The following ADIPOR2 variants were observed in gnomAD, a reference collection of about 807,000 sequenced individuals.
ADIPOR2 encodes the protein adiponectin receptor protein 2.
ADIPOR2 carries 18 observed loss-of-function variants against 40.9 expected under a neutral mutation model. The ratio of observed to expected loss-of-function variants is 0.44; its 90% CI spans 0.30 to 0.65. ADIPOR2 has a LOEUF of 0.65. Ranked by LOEUF, ADIPOR2 falls within the 30% of genes least tolerant of loss-of-function variation. ADIPOR2 has a pLI of 0.09. For missense variants in ADIPOR2, 283 were observed against 479.2 expected (o/e 0.59, Z 3.82); for synonymous variants, 165 against 166.4 (o/e 0.99, Z 0.06).
intron 1 of ADIPOR2, among the ~76,000 whole-genome samples, chr12:1,711,159 C>T (rs1433048938): frequency 2.6e-5 from 4 of 152,042 alleles, no homozygotes; most frequent in Non-Finnish European, 4.4e-5. Context: ...TAGGCCTTGG[C>T]GGTTTTGGAG....
intron 1 of ADIPOR2, among the ~76,000 whole-genome samples, chr12:1,748,437 A>G (rs1392696073): frequency 2.0e-5 from 3 of 151,908 alleles, no homozygotes; most frequent in Admixed American, 6.6e-5. Flanking sequence ...TTTATTAGAG[A>G]TGGGGTTTCA....
Position 1,742,040 on chromosome 12 carries a change from A to T in ADIPOR2, c.-86-12218A>T, listed in dbSNP as rs557106119. Among the ~76,000 whole-genome samples, 8 of 151,682 alleles carry T rather than the reference A, an allele frequency of 5.3e-5. No homozygotes were observed. In the East Asian group the frequency reaches 1.5e-3, roughly 29 times the overall value. The stretch of plus-strand genomic sequence containing the variant: ...AAAAGACAAAATCTTATGATTGTTG[A>T]ACTCCCAATGAGGAGTCAGAGAATT... On this transcript the variant is annotated intron_variant, in intron 1 of 7. Transcript: ENST00000357103.
At chr12:1,759,162 T>G (rs1347601100) in intron 2 of ADIPOR2, among the ~76,000 whole-genome samples, 4 of 152,202 alleles carry the variant, frequency 2.6e-5, no homozygotes, top group Non-Finnish European at 4.4e-5. Context: ...TCGTTTTCTG[T>G]TAGGCCAGGG....
At chr12:1,696,097 T>TA (rs1329470170) in intron 1 of ADIPOR2, 1 of 157,942 alleles carries the variant, frequency 6.3e-6, no homozygotes, top group Non-Finnish European at 1.5e-5. Flanking sequence ...ATGACTGTCA[T>TA]CAATGTTAGA....
rs538862760 is a variant in ADIPOR2 at position 1,762,562 on chromosome 12, G to A, written c.171+8048G>A. Among the ~76,000 whole-genome samples the A allele has an allele frequency of 7.9e-4, 121 of 152,252 alleles. 1 individual carries two copies. The South Asian group carries it at 0.024, about 30-fold the overall frequency. ...AGAGATGTACAAAAGGAGCACGTGG[G>A]GACGTATACTATTTAGATGCTTAGG... is the stretch of plus-strand genomic sequence containing the variant. On this transcript the variant is annotated intron_variant, in intron 2 of 7. Coordinates refer to ENST00000357103, the MANE Select transcript of ADIPOR2 (RefSeq NM_024551.3).
At chr12:1,718,693 G>C (rs760738938) in intron 1 of ADIPOR2, among the ~76,000 whole-genome samples, 2 of 152,102 alleles carry the variant, frequency 1.3e-5, no homozygotes, top group Admixed American at 6.5e-5. Flanking sequence ...TTATCACTTT[G>C]GGAAGATTCT....
intron 1 of ADIPOR2, among the ~76,000 whole-genome samples, chr12:1,693,233 T>TG (rs1487785090): frequency 6.6e-6 from 1 of 152,170 alleles, no homozygotes; most frequent in African/African-American, 2.4e-5. Context: ...TAGTTTCTTT[T>TG]GGGGTACAGC....
intron 1 of ADIPOR2, among the ~76,000 whole-genome samples, chr12:1,731,331 T>C (rs2094719846): frequency 6.6e-6 from 1 of 152,182 alleles, no homozygotes; most frequent in African/African-American, 2.4e-5. Context: ...GCCAGATTCC[T>C]TTTTTTAAAT....
intron 1 of ADIPOR2, among the ~76,000 whole-genome samples, chr12:1,712,551 T>C (rs2094679635): frequency 6.6e-6 from 1 of 152,116 alleles, no homozygotes; most frequent in South Asian, 2.1e-4. Flanking sequence ...CTATTCCTGC[T>C]CTCTCTCTGA....
intron 1 of ADIPOR2, among the ~76,000 whole-genome samples, chr12:1,724,386 C>T (rs543402851): frequency 1.4e-4 from 21 of 152,200 alleles, no homozygotes; most frequent in Non-Finnish European, 2.9e-4. Context: ...CCAGTGAAAC[C>T]AGTCACAAAA....
At chr12:1,735,533 A>G (rs1451498070) in intron 1 of ADIPOR2, among the ~76,000 whole-genome samples, 9 of 152,186 alleles carry the variant, frequency 5.9e-5, no homozygotes, top group Non-Finnish European at 8.8e-5. Flanking sequence ...CAATCATGTC[A>G]TCTGCAAACA....
Position 1,753,425 on chromosome 12 carries a change from CAA to C in ADIPOR2, c.-86-832_-86-831del, listed in dbSNP as rs1367934431. 3.9e-5 allele frequency among the ~76,000 whole-genome samples: 6 copies of C among 152,356 alleles called. No homozygotes were observed. The East Asian group carries it at 1.2e-3, about 29-fold the overall frequency. On this transcript the variant is annotated intron_variant, in intron 1 of 7. Coordinates refer to ENST00000357103, the MANE Select transcript of ADIPOR2 (RefSeq NM_024551.3). ...GATTTCTGAAAATGTTCTTAGCACT[CAA>C]GAGCATTGAGATATTATCAAATATT... is the stretch of plus-strand genomic sequence containing the variant.
chr12:1,788,290 A>G lies in ADIPOR2; in HGVS notation c.*2218A>G, dbSNP rs545067188. On this transcript the variant is annotated 3_prime_UTR_variant, in exon 8 of 8. Coordinates refer to ENST00000357103, the MANE Select transcript of ADIPOR2 (RefSeq NM_024551.3). The stretch of plus-strand genomic sequence containing the variant: ...TGTATGTGGGCATGTGCCCATTTCT[A>G]TGTGTGTGTCTACGTGCAGCTCACT... The G allele has an allele frequency of 6.5e-6, 1 of 152,714 alleles. No homozygotes were observed. The highest frequency in any genetic ancestry group is 2.1e-4 in the South Asian group (1 of 4,830). The allele number at this position is 152,714 out of a possible 1,614,324, so 9.5% of individuals were successfully genotyped here. A position where few individuals can be genotyped will look rare whatever the true frequency, so the allele number is the denominator to read the frequency against.
intron 5 of ADIPOR2, 89 bp from the exon 6 acceptor site, chr12:1,780,800 G>A (rs770317650): frequency 5.0e-6 from 7 of 1,394,174 alleles, no homozygotes; most frequent in Non-Finnish European, 6.7e-6. Flanking sequence ...TGTCGTTGAT[G>A]GCTTATGTCA....
intron 4 of ADIPOR2, chr12:1,778,702 A>T (rs1862651122): frequency 6.6e-6 from 1 of 152,242 alleles, no homozygotes; most frequent in African/African-American, 2.4e-5. Context: ...GACTTCATCA[A>T]AATTAAAAAC....
intron 1 of ADIPOR2, among the ~76,000 whole-genome samples, chr12:1,727,687 G>A (rs2094710700): frequency 6.6e-6 from 1 of 151,916 alleles, no homozygotes; most frequent in South Asian, 2.1e-4. Context: ...GAATGTTTCT[G>A]TCTCATTCTT....
intron 1 of ADIPOR2, among the ~76,000 whole-genome samples, chr12:1,752,735 T>A (rs955486370): frequency 2.0e-5 from 3 of 152,226 alleles, no homozygotes; most frequent in Non-Finnish European, 2.9e-5. Context: ...GTAAATTATC[T>A]GGTACAGAAT....
intron 1 of ADIPOR2, among the ~76,000 whole-genome samples, chr12:1,709,052 G>A (rs567866875): frequency 1.3e-4 from 20 of 152,074 alleles, no homozygotes; most frequent in South Asian, 2.1e-4. Context: ...TACTACACTT[G>A]ATTACTGTAG....
At chr12:1,703,860 T>C (rs1205936593) in intron 1 of ADIPOR2, among the ~76,000 whole-genome samples, 1 of 152,058 alleles carries the variant, frequency 6.6e-6, no homozygotes, top group Non-Finnish European at 1.5e-5. Context: ...ACTAGAGGCA[T>C]GTGCCACCAC....
Sources: allele counts gnomAD v4.1 joint callset (sites outside exome capture counted in the v4.1 genomes callset), GRCh38; gene constraint gnomAD v4.1.1; transcripts MANE v1.5; gene names NCBI Gene and HGNC (gene_info 2026-07-23, HGNC 2026-07-21).